Variants in CAVIN2 observed in about 807,000 individuals in gnomAD.
CAVIN2 encodes the protein caveolae-associated protein 2.
Under a neutral mutation model 11.7 loss-of-function variants are expected in CAVIN2, and 13 were observed. That is an observed-to-expected ratio of 1.11 (90% confidence interval 0.72 to 1.77). CAVIN2 has a LOEUF of 1.77. Among genes scored for constraint, CAVIN2 ranks in the 40% most tolerant of loss-of-function variants. CAVIN2 has a pLI of 0.00. For synonymous variants in CAVIN2, 237 were observed against 223.2 expected, an observed-to-expected ratio of 1.06 and a Z score of -0.55; for missense variants, 549 against 542.9, an observed-to-expected ratio of 1.01 and a Z score of -0.11.
intron 1 of CAVIN2, among the ~76,000 whole-genome samples, chr2:191,838,821 G>A (rs753514450): frequency 9.8e-5 from 15 of 152,304 alleles, no homozygotes; most frequent in South Asian, 2.1e-4. Context: ...TTCTAAGAAC[G>A]CCCTGAGAGT....
In CAVIN2 at chr2:191,838,163, C is replaced by T. The variant is rs546846602; in HGVS notation, c.484-1446G>A. 3.9e-5 allele frequency among the ~76,000 whole-genome samples: 6 copies of T among 152,310 alleles called. No individual in the cohort carries two copies. In the East Asian group the frequency reaches 5.8e-4, roughly 15 times the overall value. ...TTTTAAAGTCTACCTGGGACTTAAA[C>T]GTCATGCAAAGTTTATGTTAATGGC... On this transcript the variant is annotated intron_variant, in intron 1 of 1. Coordinates refer to ENST00000304141, the MANE Select transcript of CAVIN2 (RefSeq NM_004657.6).
At chr2:191,837,776 G>A (rs1057495797) in intron 1 of CAVIN2, among the ~76,000 whole-genome samples, 1 of 152,226 alleles carries the variant, frequency 6.6e-6, no homozygotes, top group Admixed American at 6.5e-5. Flanking sequence ...ACTGGAAAAG[G>A]AGAGCCAGTC....
Position 191,835,665 on chromosome 2 carries a change from A to G in CAVIN2, c.*258T>C. 2 of 445,418 alleles carry G rather than the reference A, an allele frequency of 4.5e-6. No individual in the cohort carries two copies. The allele number at this position is 445,418 out of a possible 1,614,324, so 27.6% of individuals were successfully genotyped here. ...AAGTCAAAGAGATTAGCATTTTTCA[A>G]CTGCTCAGTTTCTTCTTCAATCTTG... On this transcript the variant is annotated 3_prime_UTR_variant, in exon 2 of 2. Transcript: ENST00000304141.
chr2:191,838,974 T>G (rs1690057411), intron 1 of CAVIN2, among the ~76,000 whole-genome samples: 1 of 152,200 alleles, frequency 6.6e-6, no homozygotes, highest in South Asian at 2.1e-4. Flanking sequence ...GGGACAATGA[T>G]CTCCATTTTT....
Position 191,836,669 on chromosome 2 carries a change from C to T in CAVIN2, c.532G>A (p.Gly178Ser). 2.5e-6 allele frequency: 4 copies of T among 1,613,940 alleles called. No individual in the cohort carries two copies. Among genetic ancestry groups the T allele is most frequent in the South Asian group, 1.1e-5 (1 of 91,058 alleles). The change falls in exon 2 of 2, where the codon GGT becomes AGT. Residue 178 changes from glycine to serine, a missense_variant. Gly to Ser is a moderately conservative substitution (Grantham distance 56). Coordinates refer to ENST00000304141, the MANE Select transcript of CAVIN2 (RefSeq NM_004657.6). ...AGCTCCTCCTTCCCTTCCACGGCAC[C>T]GGAAACGGGCTGTTTCACAAACACG... is the stretch of plus-strand genomic sequence containing the variant. ...ASVFVKQPVS[G>S]AVEGKEELPD... is the part of the protein sequence containing the mutation.
chr2:191,845,598 G>A (rs1344709656), intron 1 of CAVIN2, among the ~76,000 whole-genome samples: 3 of 152,106 alleles, frequency 2.0e-5, no homozygotes, highest in Non-Finnish European at 4.4e-5. Flanking sequence ...ACCACTTGGC[G>A]GAACAAGAGC....
chr2:191,840,487 G>A (rs1394087663), intron 1 of CAVIN2, among the ~76,000 whole-genome samples: 2 of 152,122 alleles, frequency 1.3e-5, no homozygotes, highest in Non-Finnish European at 2.9e-5. Context: ...AAAGGAAGGG[G>A]AATAAAACAG....
Position 191,846,868 on chromosome 2 carries a change from G to A in CAVIN2, c.58C>T (p.Gln20Ter), listed in dbSNP as rs746314437. Residue 20 changes from glutamine (Q) to a stop codon, truncating the protein, a stop_gained, in exon 1 of 2, where the codon CAG (glutamine) becomes TAG (stop). Coordinates refer to ENST00000304141, the MANE Select transcript of CAVIN2 (RefSeq NM_004657.6). LOFTEE classifies it high-confidence loss of function. ...GGGCTGGGGCTCGAGGGCTTTTCCT[G>A]CCGCATGTCAGACCCAGGGTGCTGG... ...KFQHPGSDMR[Q>*]EKPSSPSPMP... 1.9e-6 allele frequency: 3 copies of A among 1,614,086 alleles called. No homozygotes were observed. In the South Asian group the frequency reaches 3.3e-5, roughly 18 times the overall value.
In CAVIN2 at chr2:191,836,025, C is replaced by A. The variant is rs138989302; in HGVS notation, c.1176G>T (p.Lys392Asn). The A allele has an allele frequency of 9.9e-6, 16 of 1,614,216 alleles. No homozygotes were observed. Among genetic ancestry groups the A allele is most frequent in the Non-Finnish European group, 1.4e-5 (16 of 1,180,030 alleles). ...EESVALEQAQ[K>N]VRYEGSYALT... is the part of the protein sequence containing the mutation. ...GCGCGTAGCTACCCTCATAGCGTAC[C>A]TTCTGTGCCTGTTCCAGGGCCACTG... Residue 392 changes from lysine to asparagine, a missense_variant, in exon 2 of 2, where the codon AAG (lysine) becomes AAT (asparagine). Transcript: ENST00000304141.
intron 1 of CAVIN2, among the ~76,000 whole-genome samples, chr2:191,845,180 C>G (rs1414008027): frequency 6.6e-6 from 1 of 152,204 alleles, no homozygotes; most frequent in African/African-American, 2.4e-5. Flanking sequence ...CTGCAAAAGC[C>G]TGCAAGGTAG....
In CAVIN2 at chr2:191,835,934, G is replaced by T. The variant is rs1467518820; in HGVS notation, c.1267C>A (p.Gln423Lys). The change falls in exon 2 of 2, where the codon CAG (glutamine) becomes AAG (lysine). Residue 423 changes from glutamine (Q) to lysine (K), a missense_variant. Coordinates refer to ENST00000304141, the MANE Select transcript of CAVIN2 (RefSeq NM_004657.6). ...PVQPAVLQVHQTS is the reference protein window; with the variant it reads ...PVQPAVLQVHKTS ...CGGTGGCTCTAAGCTCAGGAGGTCT[G>T]GTGCACCTGGAGCACGGCGGGCTGC... 6.2e-7 allele frequency: 1 copy of T among 1,611,702 alleles called. No homozygotes were observed. Among genetic ancestry groups the T allele is most frequent in the East Asian group, 2.2e-5 (1 of 44,888 alleles).
chr2:191,835,674 T>C lies in CAVIN2; in HGVS notation c.*249A>G, dbSNP rs1128965. The C allele has an allele frequency of 0.5, 222,452 of 445,768 alleles. 57,748 individuals are homozygous for C. Among genetic ancestry groups the C allele is most frequent in the East Asian group, 0.67 (20,656 of 30,850 alleles). 27.6% of individuals were successfully genotyped at this position (445,768 alleles called of 1,614,324 possible). On this transcript the variant is annotated 3_prime_UTR_variant, in exon 2 of 2. Transcript: ENST00000304141. ...AGATTAGCATTTTTCAACTGCTCAG[T>C]TTCTTCTTCAATCTTGGAGACATTC...
chr2:191,837,255 GC>G (rs1690037014), intron 1 of CAVIN2, among the ~76,000 whole-genome samples: 1 of 152,184 alleles, frequency 6.6e-6, no homozygotes, highest in South Asian at 2.1e-4. Flanking sequence ...TAAAGGTAGG[GC>G]CAGCCTTAGT....
intron 1 of CAVIN2, among the ~76,000 whole-genome samples, chr2:191,843,659 TG>T (rs1218408488): frequency 6.6e-6 from 1 of 152,176 alleles, no homozygotes; most frequent in Admixed American, 6.5e-5. Flanking sequence ...TGGTTCTCTG[TG>T]TGTAGCGGAG....
chr2:191,843,830 C>A (rs150297279), intron 1 of CAVIN2, among the ~76,000 whole-genome samples: 2 of 152,294 alleles, frequency 1.3e-5, no homozygotes, highest in Non-Finnish European at 2.9e-5. Flanking sequence ...TCCTTGCTAA[C>A]TATTTTAAAT....
At chr2:191,846,347 G>A (rs1690164831) in intron 1 of CAVIN2, 96 bp downstream of exon 1, 1 of 1,396,636 alleles carries the variant, frequency 7.2e-7, no homozygotes, top group Non-Finnish European at 9.6e-7. Flanking sequence ...TGACAGGCAG[G>A]ACAAATGTAA....
At chr2:191,843,707 T>A (rs1258860751) in intron 1 of CAVIN2, among the ~76,000 whole-genome samples, 1 of 152,204 alleles carries the variant, frequency 6.6e-6, no homozygotes, top group Non-Finnish European at 1.5e-5. Context: ...GGTCAGTTTT[T>A]ACCCAAGGAC....
intron 1 of CAVIN2, among the ~76,000 whole-genome samples, chr2:191,838,479 T>C (rs1690051526): frequency 6.6e-6 from 1 of 152,182 alleles, no homozygotes; most frequent in African/African-American, 2.4e-5. Flanking sequence ...TCCAATTAAA[T>C]AGAATTCCTC....
At chr2:191,844,101 A>C (rs539201090) in intron 1 of CAVIN2, among the ~76,000 whole-genome samples, 29 of 152,306 alleles carry the variant, frequency 1.9e-4, no homozygotes, top group African/African-American at 7.0e-4. Flanking sequence ...TATTAATATC[A>C]TCAGTGTATA....
Sources: gnomAD v4.1 joint callset for allele counts (sites outside exome capture counted in the v4.1 genomes callset) on GRCh38, gnomAD v4.1.1 for gene constraint, MANE v1.5 for transcripts, NCBI Gene and HGNC (gene_info 2026-07-23, HGNC 2026-07-21) for gene names.